Variants in HACE1 observed in about 807,000 individuals in gnomAD.
The protein encoded by HACE1 is E3 ubiquitin-protein ligase HACE1.
HACE1 carries 73 observed loss-of-function variants against 118.4 expected under a neutral mutation model. The ratio of observed to expected loss-of-function variants is 0.62; its 90% CI spans 0.51 to 0.75. The LOEUF is 0.75. Among genes scored for constraint, HACE1 ranks in the 30% least tolerant of loss-of-function variants. HACE1 has a pLI of 0.00. For synonymous variants in HACE1, 368 were observed against 374.8 expected (o/e 0.98, Z 0.21); for missense variants, 749 against 1,102.2 (o/e 0.68, Z 4.54).
chr6:104,770,601 C>A (rs1028452530), intron 19 of HACE1, among the ~76,000 whole-genome samples: 20 of 152,060 alleles, frequency 1.3e-4, no homozygotes, highest in African/African-American at 4.8e-4. Context: ...CCCCTGTAAT[C>A]CCAGCTACTG....
chr6:104,806,145 G>T (rs1770970385), intron 7 of HACE1, among the ~76,000 whole-genome samples: 1 of 152,144 alleles, frequency 6.6e-6, no homozygotes, highest in Admixed American at 6.5e-5. Context: ...TCTCATTTAT[G>T]TTCAGTTGGC....
At chr6:104,828,765 C>T (rs1372648357) in intron 6 of HACE1, among the ~76,000 whole-genome samples, 1 of 151,954 alleles carries the variant, frequency 6.6e-6, no homozygotes, top group Non-Finnish European at 1.5e-5. Context: ...TTTAAGATTA[C>T]TCAAGTTCTT....
rs561289090 is a variant in HACE1 at position 104,763,787 on chromosome 6, C to T, written c.2211+7406G>A. ...ACTGTAGGCCAGGCTCAGTGGCTCA[C>T]GCCTATAATCCCAGCACTTTGGGAG... On this transcript the variant is annotated intron_variant, in intron 19 of 23. Coordinates refer to ENST00000262903, the MANE Select transcript of HACE1 (RefSeq NM_020771.4). Among the ~76,000 whole-genome samples the T allele has an allele frequency of 9.2e-5, 14 of 152,222 alleles. No homozygotes were observed. In the South Asian group the frequency reaches 2.1e-3, roughly 23 times the overall value.
chr6:104,855,671 T>A (rs551122611), intron 1 of HACE1, among the ~76,000 whole-genome samples: 2 of 152,236 alleles, frequency 1.3e-5, no homozygotes, highest in Admixed American at 1.3e-4. Flanking sequence ...AATACTACAC[T>A]AAGCCTCCCT....
chr6:104,791,766 T>C lies in HACE1; in HGVS notation c.924-112A>G, dbSNP rs1783054360. 8 of 696,462 alleles carry C rather than the reference T, an allele frequency of 1.1e-5. No individual in the cohort carries two copies. The South Asian group carries it at 1.4e-4, about 12-fold the overall frequency. 43.1% of individuals were successfully genotyped at this position (696,462 alleles called of 1,614,324 possible). ...CATCTGTTTCATATTATAATGTAAC[T>C]GGAGTACAATTCCTTTCCTATCATG... On this transcript the variant is annotated intron_variant, in intron 10 of 23. Transcript: ENST00000262903.
chr6:104,746,642 T>C (rs1405427646), intron 20 of HACE1, among the ~76,000 whole-genome samples: 2 of 152,192 alleles, frequency 1.3e-5, no homozygotes, highest in African/African-American at 4.8e-5. Context: ...CTAGGGATGA[T>C]AAAGGCTTTC....
chr6:104,819,193 C>T (rs981400445), intron 6 of HACE1, among the ~76,000 whole-genome samples: 3 of 152,228 alleles, frequency 2.0e-5, no homozygotes, highest in Non-Finnish European at 4.4e-5. Context: ...TCAACAAAGT[C>T]TCAGAATACA....
At chr6:104,849,053 G>T (rs531882364) in intron 4 of HACE1, 89 bp downstream of exon 4, 3 of 786,254 alleles carry the variant, frequency 3.8e-6, no homozygotes, top group South Asian at 2.8e-5. Context: ...GTAAATATCA[G>T]GGATGCGGGA....
At chr6:104,844,282 G>A (rs1245168282) in intron 4 of HACE1, among the ~76,000 whole-genome samples, 3 of 151,472 alleles carry the variant, frequency 2.0e-5, no homozygotes, top group Non-Finnish European at 4.4e-5. Flanking sequence ...TGATCTGCCC[G>A]CCTAGGTCTC....
At chr6:104,848,953 T>A (rs926888344) in intron 4 of HACE1, among the ~76,000 whole-genome samples, 189 bp downstream of exon 4, 2 of 152,136 alleles carry the variant, frequency 1.3e-5, no homozygotes, top group Admixed American at 6.5e-5. Flanking sequence ...AGATCCACTA[T>A]AAAGAAGAAC....
intron 1 of HACE1, among the ~76,000 whole-genome samples, chr6:104,853,937 TAAC>T (rs1333502014): frequency 1.3e-5 from 2 of 152,206 alleles, no homozygotes; most frequent in Middle Eastern, 3.4e-3. Flanking sequence ...AGTAAGAGAT[TAAC>T]AACAATAAAT....
intron 19 of HACE1, among the ~76,000 whole-genome samples, chr6:104,760,789 T>C (rs1405249238): frequency 2.0e-5 from 3 of 152,224 alleles, no homozygotes; most frequent in Non-Finnish European, 4.4e-5. Flanking sequence ...ATTGTGTATT[T>C]AGAACACCCC....
At position 104,859,666 on chromosome 6, in the gene HACE1, T is replaced by C; in HGVS notation, c.-24A>G. On this transcript the variant is annotated 5_prime_UTR_variant, in exon 1 of 24. Transcript: ENST00000262903. ...ATCCTCGGCGCGCCCTCCGCGATCC[T>C]CCGCGATCAGCCGCCCCACCGGCGG... 1 of 1,526,204 alleles carries C rather than the reference T, an allele frequency of 6.6e-7. No individual in the cohort carries two copies. The highest frequency in any genetic ancestry group is 8.8e-7 in the Non-Finnish European group (1 of 1,139,738). The allele number at this position is 1,526,204 out of a possible 1,614,324, so 94.5% of individuals were successfully genotyped here. A position where few individuals can be genotyped will look rare whatever the true frequency, so the allele number is the denominator to read the frequency against.
At chr6:104,817,793 G>C (rs1415256358) in intron 6 of HACE1, among the ~76,000 whole-genome samples, 1 of 152,148 alleles carries the variant, frequency 6.6e-6, no homozygotes, top group African/African-American at 2.4e-5. Context: ...CTACTTGACT[G>C]AGCAGTAAAC....
At chr6:104,753,373 T>C (rs1182018178) in intron 19 of HACE1, among the ~76,000 whole-genome samples, 1 of 152,174 alleles carries the variant, frequency 6.6e-6, no homozygotes, top group Non-Finnish European at 1.5e-5. Flanking sequence ...ACAGCACATG[T>C]GCTCTACCAA....
chr6:104,741,169 A>T (rs1207113355), intron 22 of HACE1, among the ~76,000 whole-genome samples: 2 of 111,734 alleles, frequency 1.8e-5, no homozygotes, highest in Non-Finnish European at 3.5e-5. Context: ...TCAAAATAAT[A>T]AGAGTTATCT....
rs986525887 is a variant in HACE1, at chr6:104,793,196, G to A, written c.924-1542C>T. ...GCAGGAGGATGGCATGAACCCGGGA[G>A]GTGGAGCTCGCAGTAAGCCGAGATC... On this transcript the variant is annotated intron_variant, in intron 10 of 23. Transcript: ENST00000262903. Among the ~76,000 whole-genome samples the A allele has an allele frequency of 4.6e-5, 7 of 151,662 alleles. No individual in the cohort carries two copies. In the South Asian group the frequency reaches 6.3e-4, roughly 14 times the overall value.
intron 5 of HACE1, among the ~76,000 whole-genome samples, chr6:104,842,981 G>A (rs998993912): frequency 2.0e-5 from 3 of 152,076 alleles, no homozygotes; most frequent in Admixed American, 6.6e-5. Flanking sequence ...ACATGGTGGC[G>A]CATACCTGTA....
chr6:104,822,345 T>C (rs1772837363), intron 6 of HACE1, among the ~76,000 whole-genome samples: 1 of 145,546 alleles, frequency 6.9e-6, no homozygotes. Context: ...ACCACGCCAC[T>C]GCACCCCAGC....
Sources: allele counts gnomAD v4.1 joint callset (sites outside exome capture counted in the v4.1 genomes callset), GRCh38; gene constraint gnomAD v4.1.1; transcripts MANE v1.5; gene names NCBI Gene and HGNC (gene_info 2026-07-23, HGNC 2026-07-21).